The following TRAF5 variants were observed in gnomAD, a reference collection of about 807,000 sequenced individuals.
TRAF5 encodes the protein TNF receptor associated factor 5, also known as TNF receptor-associated factor 5.
TRAF5 carries 48 observed loss-of-function variants against 64.5 expected under a neutral mutation model. The ratio of observed to expected loss-of-function variants is 0.74; its 90% CI spans 0.59 to 0.95. The LOEUF (loss-of-function observed/expected upper bound fraction) is 0.95. Ranked by LOEUF, TRAF5 falls within the 40% of genes least tolerant of loss-of-function variation. TRAF5 has a pLI of 0.00. For missense variants in TRAF5, 545 were observed against 662.8 expected, an observed-to-expected ratio of 0.82 and a Z score of 1.95; for synonymous variants, 206 against 240.5, an observed-to-expected ratio of 0.86 and a Z score of 1.33.
intron 10 of TRAF5, among the ~76,000 whole-genome samples, chr1:211,371,904 A>C (rs553054470): frequency 1.3e-5 from 2 of 152,178 alleles, no homozygotes; most frequent in African/African-American, 4.8e-5. Flanking sequence ...TCTTCTCTAC[A>C]CTTCAGTGAG....
In TRAF5 at chr1:211,373,371, T is replaced by G. The variant is rs1162537766; in HGVS notation, c.*669T>G. ...AAGTAAAGCAGAAAGTACTGCATAG[T>G]ATATGAGATATAGCCAGCTAGCTAA... On this transcript the variant is annotated 3_prime_UTR_variant, in exon 11 of 11. Coordinates refer to ENST00000261464, the MANE Select transcript of TRAF5 (RefSeq NM_001033910.3). 1 of 152,188 alleles carries G rather than the reference T, an allele frequency of 6.6e-6. No individual in the cohort carries two copies. Among genetic ancestry groups the G allele is most frequent in the African/African-American group, 2.4e-5 (1 of 41,442 alleles). 9.4% of individuals were successfully genotyped at this position (152,188 alleles called of 1,614,324 possible). A position where few individuals can be genotyped will look rare whatever the true frequency, so the allele number is the denominator to read the frequency against.
At chr1:211,361,464 A>AT (rs1283504930) in intron 7 of TRAF5, among the ~76,000 whole-genome samples, 1 of 152,018 alleles carries the variant, frequency 6.6e-6, no homozygotes, top group Non-Finnish European at 1.5e-5. Flanking sequence ...GAGGAGAAGC[A>AT]TTTTTTTCTT....
intron 7 of TRAF5, among the ~76,000 whole-genome samples, chr1:211,364,280 A>G (rs150008440): frequency 6.6e-6 from 1 of 152,336 alleles, no homozygotes; most frequent in African/African-American, 2.4e-5. Context: ...ACAAATTTGT[A>G]TGGGCTGAAA....
chr1:211,344,503 T>A (rs1052709449), intron 1 of TRAF5, among the ~76,000 whole-genome samples: 1 of 152,196 alleles, frequency 6.6e-6, no homozygotes, highest in Admixed American at 6.5e-5. Context: ...TGTCGTGGTG[T>A]CACCTGGTCT....
intron 10 of TRAF5, 122 bp from the exon 11 acceptor site, chr1:211,372,006 C>G (rs1424593612): frequency 2.4e-6 from 2 of 836,654 alleles, no homozygotes; most frequent in African/African-American, 1.7e-5. Context: ...GAATTCAGCT[C>G]ATCTTTAGGA....
chr1:211,370,378 A>AACACAC (rs67207558), intron 9 of TRAF5, among the ~76,000 whole-genome samples: 24 of 148,080 alleles, frequency 1.6e-4, no homozygotes, highest in South Asian at 4.4e-4. Flanking sequence ...TTATACATTA[A>AACACAC]ACACACACAC....
intron 1 of TRAF5, among the ~76,000 whole-genome samples, chr1:211,352,461 A>AT (rs1702816911): frequency 2.1e-5 from 3 of 143,516 alleles, no homozygotes; most frequent in Non-Finnish European, 3.1e-5. Flanking sequence ...AAAAAAAAAA[A>AT]GTTTTTTTTT....
In TRAF5 at chr1:211,372,959, G is replaced by A; in HGVS notation, c.*257G>A. On this transcript the variant is annotated 3_prime_UTR_variant, in exon 11 of 11. Coordinates refer to ENST00000261464, the MANE Select transcript of TRAF5 (RefSeq NM_001033910.3). Reference sequence around the variant, plus strand: ...TTTCTTGAAAGATGGTAAGTTTCTTGAAGTTTTTGGGGCGTTTCTCTTTTA... The same window carrying A: ...TTTCTTGAAAGATGGTAAGTTTCTTAAAGTTTTTGGGGCGTTTCTCTTTTA... 1 of 314,512 alleles carries A rather than the reference G, an allele frequency of 3.2e-6. No homozygotes were observed. The highest frequency in any genetic ancestry group is 6.2e-5 in the East Asian group (1 of 16,094). The allele number at this position is 314,512 out of a possible 1,614,324, so 19.5% of individuals were successfully genotyped here. A position where few individuals can be genotyped will look rare whatever the true frequency, so the allele number is the denominator to read the frequency against.
chr1:211,358,614 A>G (rs573207315), intron 4 of TRAF5: 1 of 151,582 alleles, frequency 6.6e-6, no homozygotes, highest in East Asian at 1.9e-4. Flanking sequence ...GCTGAGGCAC[A>G]AGAAGCTCTT....
chr1:211,353,495 C>T (rs1702862517), intron 2 of TRAF5, 38 bp downstream of exon 2: 2 of 1,581,114 alleles, frequency 1.3e-6, no homozygotes, highest in South Asian at 2.2e-5. Flanking sequence ...CCATGGCAGT[C>T]CTAGCATCCA....
In TRAF5 at chr1:211,361,172, G is replaced by T. The variant is rs1335262155; in HGVS notation, c.696+10G>T. On this transcript the variant is annotated intron_variant, in intron 7 of 10. Coordinates refer to ENST00000261464, the MANE Select transcript of TRAF5 (RefSeq NM_001033910.3). ...TGGCTGTGCTGTAACGGTATGGAAT[G>T]ACTTTTTGTTTCTGCCTATACATTC... is the stretch of plus-strand genomic sequence containing the variant. 1 of 1,613,706 alleles carries T rather than the reference G, an allele frequency of 6.2e-7. No homozygotes were observed. The highest frequency in any genetic ancestry group is 1.7e-5 in the Admixed American group (1 of 60,016).
chr1:211,347,061 T>G (rs1251477157), intron 1 of TRAF5, among the ~76,000 whole-genome samples: 1 of 152,176 alleles, frequency 6.6e-6, no homozygotes, highest in Non-Finnish European at 1.5e-5. Context: ...AAAGGTGATA[T>G]ATAAGCTCTA....
intron 7 of TRAF5, among the ~76,000 whole-genome samples, chr1:211,361,632 T>C (rs1034838381): frequency 5.3e-5 from 8 of 151,660 alleles, no homozygotes; most frequent in East Asian, 3.9e-4. Flanking sequence ...GAGCAAACAA[T>C]TGGGCACCAT....
chr1:211,356,460 C>G lies in TRAF5; in HGVS notation c.370C>G (p.Arg124Gly), dbSNP rs778065578. Residue 124 changes from arginine to glycine, a missense_variant, in exon 4 of 11, where the codon CGG becomes GGG. Coordinates refer to ENST00000261464, the MANE Select transcript of TRAF5 (RefSeq NM_001033910.3). ...PGCNAKVILG[R>G]YQDHLQQCLF... Reference sequence around the variant, plus strand: ...ATGTAATGCCAAGGTTATTCTGGGCCGGTACCAGGTTGGTATTACTCATGA... The same window carrying G: ...ATGTAATGCCAAGGTTATTCTGGGCGGGTACCAGGTTGGTATTACTCATGA... 1.2e-6 allele frequency: 2 copies of G among 1,613,746 alleles called. No individual in the cohort carries two copies. Among genetic ancestry groups the G allele is most frequent in the African/African-American group, 2.7e-5 (2 of 74,908 alleles).
chr1:211,359,869 C>T, intron 4 of TRAF5, 43 bp from the exon 5 acceptor site: 2 of 1,611,592 alleles, frequency 1.2e-6, no homozygotes, highest in Non-Finnish European at 1.7e-6. Context: ...TTTCCTACCA[C>T]CCTGGTCAGC....
At chr1:211,328,989 C>G (rs1702091660) in intron 1 of TRAF5, among the ~76,000 whole-genome samples, 1 of 152,136 alleles carries the variant, frequency 6.6e-6, no homozygotes, top group Non-Finnish European at 1.5e-5. Flanking sequence ...GGCCCCTCAC[C>G]CTGGCTTCTC....
At chr1:211,349,299 ATG>A (rs1183636499) in intron 1 of TRAF5, among the ~76,000 whole-genome samples, 2 of 152,318 alleles carry the variant, frequency 1.3e-5, no homozygotes, top group African/African-American at 4.8e-5. Flanking sequence ...AAGAACAAAA[ATG>A]TATTTCTCAC....
chr1:211,351,286 A>G (rs975037351), intron 1 of TRAF5, among the ~76,000 whole-genome samples: 3 of 151,876 alleles, frequency 2.0e-5, no homozygotes, highest in African/African-American at 7.3e-5. Context: ...TCAGCCTCCT[A>G]AAGTGCTGGG....
Position 211,353,323 on chromosome 1 carries a change from G to T in TRAF5, c.84G>T (p.Glu28Asp), listed in dbSNP as rs763800557. The change falls in exon 2 of 11, where the codon GAG (glutamate) becomes GAT (aspartate). Residue 28 changes from glutamate (E) to aspartate (D), a missense_variant. Coordinates refer to ENST00000261464, the MANE Select transcript of TRAF5 (RefSeq NM_001033910.3). ...NSGNSISLDF[E>D]PSIEYQFVER... is the part of the protein sequence containing the mutation. ...GCAACTCCATTTCCTTGGACTTTGA[G>T]CCCAGTATAGAGTACCAGTTTGTGG... The T allele has an allele frequency of 6.2e-7, 1 of 1,614,192 alleles. No homozygotes were observed. Among genetic ancestry groups the T allele is most frequent in the South Asian group, 1.1e-5 (1 of 91,086 alleles).
Sources: gnomAD v4.1 joint callset for allele counts (sites outside exome capture counted in the v4.1 genomes callset) on GRCh38, gnomAD v4.1.1 for gene constraint, MANE v1.5 for transcripts, NCBI Gene and HGNC (gene_info 2026-07-23, HGNC 2026-07-21) for gene names.